Variants in YBX1 observed in about 807,000 individuals in gnomAD.
YBX1 encodes Y-box binding protein 1.
In YBX1, 3 loss-of-function variants were observed where a neutral mutation model predicts 41.4. That is an observed-to-expected ratio of 0.07 (90% confidence interval 0.03 to 0.19). YBX1 has a LOEUF of 0.19. Ranked by LOEUF, YBX1 falls within the 10% of genes least tolerant of loss-of-function variation. The pLI is 1.00. For missense variants in YBX1, 274 were observed against 462.8 expected, an observed-to-expected ratio of 0.59 and a Z score of 3.74; for synonymous variants, 133 against 165.8, an observed-to-expected ratio of 0.80 and a Z score of 1.52.
intron 7 of YBX1, 132 bp downstream of exon 7, chr1:42,701,178 C>T: frequency 1.4e-6 from 1 of 693,376 alleles, no homozygotes; most frequent in Non-Finnish European, 2.4e-6. Flanking sequence ...TGTGTTCTGC[C>T]CTATTCTTAA....
chr1:42,691,820 C>G (rs894387164), intron 2 of YBX1, among the ~76,000 whole-genome samples: 1 of 152,178 alleles, frequency 6.6e-6, no homozygotes, highest in Admixed American at 6.5e-5. Flanking sequence ...CCCACCACTT[C>G]CATTAATGCA....
At chr1:42,699,265 A>G (rs534011076) in intron 6 of YBX1, among the ~76,000 whole-genome samples, 18 of 152,358 alleles carry the variant, frequency 1.2e-4, no homozygotes, top group Non-Finnish European at 2.2e-4. Context: ...ATGGGAAGAC[A>G]TGGAAGCCTT....
At chr1:42,687,488 G>A (rs1650224659) in intron 2 of YBX1, among the ~76,000 whole-genome samples, 1 of 152,086 alleles carries the variant, frequency 6.6e-6, no homozygotes, top group Non-Finnish European at 1.5e-5. Context: ...CTCCATGTTG[G>A]CCAGGCTGGT....
chr1:42,687,666 T>C (rs569660323), intron 2 of YBX1, among the ~76,000 whole-genome samples: 1 of 152,246 alleles, frequency 6.6e-6, no homozygotes, highest in African/African-American at 2.4e-5. Flanking sequence ...AAGTGGAGTC[T>C]CTCTGTGTTG....
At chr1:42,683,133 CT>C in intron 1 of YBX1, 1 of 623,922 alleles carries the variant, frequency 1.6e-6, no homozygotes, top group Non-Finnish European at 2.9e-6. Flanking sequence ...GCGGCTTCCC[CT>C]TCCCTCACGT....
Position 42,700,783 on chromosome 1 carries a change from G to A in YBX1, c.743G>A (p.Gly248Asp), listed in dbSNP as rs1377550571. 1.2e-6 allele frequency: 2 copies of A among 1,609,872 alleles called. No homozygotes were observed. Among genetic ancestry groups the A allele is most frequent in the Non-Finnish European group, 1.7e-6 (2 of 1,178,832 alleles). The change falls in exon 7 of 8, where the codon GGC becomes GAC. Residue 248 changes from glycine (G) to aspartate (D), a missense_variant and splice_region_variant. Coordinates refer to ENST00000321358, the MANE Select transcript of YBX1 (RefSeq NM_004559.5). ...AAGTTTGACACCGTTCATTGCAGGG[G>A]CCCTCCTCGCCAAAGACAGCCTAGA... Reference protein sequence around the residue: ...YRGYRPRFRRGPPRQRQPRED... With the variant: ...YRGYRPRFRRDPPRQRQPRED...
intron 6 of YBX1, 45 bp downstream of exon 6, chr1:42,697,307 C>T (rs1378799921): frequency 5.7e-6 from 9 of 1,581,958 alleles, no homozygotes; most frequent in African/African-American, 4.1e-5. Context: ...TCCTCAAACC[C>T]GTGTTAGGAC....
chr1:42,700,395 G>A (rs1478402720), intron 6 of YBX1, among the ~76,000 whole-genome samples: 1 of 152,090 alleles, frequency 6.6e-6, no homozygotes, highest in Non-Finnish European at 1.5e-5. Context: ...CTTGAGGTCA[G>A]GAATTCAAGA....
intron 2 of YBX1, among the ~76,000 whole-genome samples, chr1:42,685,980 A>G (rs1369502137): frequency 6.6e-6 from 1 of 152,248 alleles, no homozygotes; most frequent in Admixed American, 6.5e-5. Context: ...TGTGTAATCT[A>G]GAAATTCTAA....
intron 3 of YBX1, among the ~76,000 whole-genome samples, chr1:42,694,931 A>T (rs1284508502): frequency 6.6e-6 from 1 of 152,160 alleles, no homozygotes; most frequent in Non-Finnish European, 1.5e-5. Context: ...GGGTTGGGGC[A>T]GGGGTGGAGA....
intron 2 of YBX1, among the ~76,000 whole-genome samples, chr1:42,692,934 G>C (rs1165207668): frequency 6.6e-6 from 1 of 152,186 alleles, no homozygotes; most frequent in Non-Finnish European, 1.5e-5. Flanking sequence ...GTCTGGACTT[G>C]TGGAGTAGCT....
At position 42,696,275 on chromosome 1, in the gene YBX1, T is replaced by C; in HGVS notation, c.341T>C (p.Val114Ala). 1 of 1,613,392 alleles carries C rather than the reference T, an allele frequency of 6.2e-7. No individual in the cohort carries two copies. The change falls in exon 4 of 8, where the codon GTT becomes GCT. Residue 114 changes from valine (V) to alanine (A), a missense_variant. Val to Ala is a moderately conservative substitution (Grantham distance 64, BLOSUM62 0). Around this residue, in one of 3 missense-constraint regions of YBX1, gnomAD observed 187 missense variants for 306.3 expected, o/e 0.61. Coordinates refer to ENST00000321358, the MANE Select transcript of YBX1 (RefSeq NM_004559.5). The surrounding 1 kb of genome is among the most constrained non-coding windows in gnomAD (Gnocchi z 5.7). ...GDGETVEFDVVEGEKGAEAAN... is the reference protein window; with the variant it reads ...GDGETVEFDVAEGEKGAEAAN... The stretch of plus-strand genomic sequence containing the variant: ...GGAGAGACTGTGGAGTTTGATGTTG[T>C]TGAAGGAGAAAAGGTGAGGATGCTT...
chr1:42,698,747 TTTAAGTTAGAC>T (rs1650521468), intron 6 of YBX1, among the ~76,000 whole-genome samples: 1 of 152,196 alleles, frequency 6.6e-6, no homozygotes, highest in Admixed American at 6.5e-5. Flanking sequence ...TGCCTTTTGG[TTTAAGTTAGAC>T]TTAATGTCTA....
chr1:42,697,312 T>C, intron 6 of YBX1, 50 bp downstream of exon 6: 1 of 1,579,150 alleles, frequency 6.3e-7, no homozygotes, highest in East Asian at 2.2e-5. Flanking sequence ...AAACCCGTGT[T>C]AGGACTCAGC....
chr1:42,683,111 A>G lies in YBX1; in HGVS notation c.167-292A>G, dbSNP rs1351704514. On this transcript the variant is annotated intron_variant, in intron 1 of 7. Coordinates refer to ENST00000321358, the MANE Select transcript of YBX1 (RefSeq NM_004559.5). Reference sequence around the variant, plus strand: ...GCTCGGAGGGCGCGGCGCACCGCCTACGCAGGCCGGAGCGGCTTCCCCTTC... The same window carrying G: ...GCTCGGAGGGCGCGGCGCACCGCCTGCGCAGGCCGGAGCGGCTTCCCCTTC... 6 of 578,254 alleles carry G rather than the reference A, an allele frequency of 1.0e-5. No individual in the cohort carries two copies. The East Asian group carries it at 1.2e-4, about 12-fold the overall frequency. 35.8% of individuals were successfully genotyped at this position (578,254 alleles called of 1,614,324 possible). A position where few individuals can be genotyped will look rare whatever the true frequency, so the allele number is the denominator to read the frequency against.
Position 42,696,606 on chromosome 1 carries a change from T to C in YBX1, c.355-36T>C, listed in dbSNP as rs755895479. Reference sequence around the variant, plus strand: ...TGAAAGTGTTGAAAGTGTTCTGATTTCCTTTGTCACTATCAATATGTAATG... The same window carrying C: ...TGAAAGTGTTGAAAGTGTTCTGATTCCCTTTGTCACTATCAATATGTAATG... On this transcript the variant is annotated intron_variant, in intron 4 of 7. Coordinates refer to ENST00000321358, the MANE Select transcript of YBX1 (RefSeq NM_004559.5). The surrounding 1 kb of genome is among the most constrained non-coding windows in gnomAD (Gnocchi z 5.7). The C allele has an allele frequency of 2.1e-6, 3 of 1,454,788 alleles. No individual in the cohort carries two copies. Among genetic ancestry groups the C allele is most frequent in the East Asian group, 4.7e-5 (2 of 42,178 alleles). The allele number at this position is 1,454,788 out of a possible 1,614,324, so 90.1% of individuals were successfully genotyped here.
intron 6 of YBX1, among the ~76,000 whole-genome samples, chr1:42,699,748 T>G (rs1650548545): frequency 6.6e-6 from 1 of 151,944 alleles, no homozygotes; most frequent in African/African-American, 2.4e-5. Flanking sequence ...TGCCCAACCT[T>G]GGAGTGAGAT....
At chr1:42,694,496 C>G (rs932025662) in intron 3 of YBX1, among the ~76,000 whole-genome samples, 8 of 152,076 alleles carry the variant, frequency 5.3e-5, no homozygotes, top group African/African-American at 1.9e-4. Context: ...ATCCAGAAAT[C>G]AAAAGACCTA....
At position 42,682,573 on chromosome 1, in the gene YBX1, G is replaced by A. The variant is rs1479980339; in HGVS notation, c.8G>A (p.Ser3Asn). Reference protein sequence around the residue: MSSEAETQQPPAA... With the variant: MSNEAETQQPPAA... ...GTCACCATCACCGCAACCATGAGCA[G>A]CGAGGCCGAGACCCAGCAGCCGCCC... Residue 3 changes from serine (S) to asparagine (N), a missense_variant, in exon 1 of 8, where the codon AGC (serine) becomes AAC (asparagine). By Grantham distance (46) the Ser-to-Asn change is conservative. Coordinates refer to ENST00000321358, the MANE Select transcript of YBX1 (RefSeq NM_004559.5). 6.8e-6 allele frequency: 10 copies of A among 1,462,100 alleles called. No individual in the cohort carries two copies. The highest frequency in any genetic ancestry group is 9.0e-6 in the Non-Finnish European group (10 of 1,111,758). The allele number at this position is 1,462,100 out of a possible 1,614,324, so 90.6% of individuals were successfully genotyped here.
Sources: allele counts gnomAD v4.1 joint callset (sites outside exome capture counted in the v4.1 genomes callset), GRCh38; gene constraint gnomAD v4.1.1; regional missense constraint gnomAD v4.1.1; non-coding constraint Gnocchi (gnomAD v3.1); transcripts MANE v1.5; gene names NCBI Gene and HGNC (gene_info 2026-07-23, HGNC 2026-07-21).